The following NCAM2 variants were observed in gnomAD, a reference collection of about 807,000 sequenced individuals.
NCAM2 encodes the protein N-CAM-2.
In NCAM2, 30 loss-of-function variants were observed where a neutral mutation model predicts 98.1. The ratio of observed to expected loss-of-function variants is 0.31; its 90% CI spans 0.23 to 0.41. NCAM2 has a LOEUF of 0.41. Among genes scored for constraint, NCAM2 ranks in the 10% least tolerant of loss-of-function variants. The pLI, the probability that NCAM2 is intolerant of heterozygous loss-of-function variation, is 1.00. For missense variants in NCAM2, 867 were observed against 1,005.8 expected, an observed-to-expected ratio of 0.86 and a Z score of 1.87; for synonymous variants, 368 against 342.4, an observed-to-expected ratio of 1.07 and a Z score of -0.83.
chr21:21,477,203 T>G, intron 14 of NCAM2, 88 bp from the exon 15 acceptor site: 1 of 1,029,388 alleles, frequency 9.7e-7, no homozygotes, highest in African/African-American at 1.6e-5. Flanking sequence ...AATATAAGTA[T>G]ATTGTTCCAA....
chr21:21,371,483 G>A (rs1016173), intron 8 of NCAM2, among the ~76,000 whole-genome samples: 30,660 of 151,484 alleles, frequency 0.2, 3,371 homozygotes, highest in East Asian at 0.32. Context: ...TCTGCCTATG[G>A]TCCCTATTTA....
chr21:21,145,838 A>G (rs1035335814), intron 1 of NCAM2, among the ~76,000 whole-genome samples: 59 of 152,318 alleles, frequency 3.9e-4, no homozygotes, highest in African/African-American at 1.4e-3. Context: ...TAGGGAAGAT[A>G]GTAACTCAGG....
At chr21:21,165,161 A>G (rs2067910867) in intron 1 of NCAM2, among the ~76,000 whole-genome samples, 1 of 152,160 alleles carries the variant, frequency 6.6e-6, no homozygotes, top group African/African-American at 2.4e-5. Flanking sequence ...GAAATGGCAG[A>G]TGGGGCAAAT....
rs1464682188 is a variant in NCAM2, at chr21:21,541,887, G to T, written c.*3930G>T. Reference sequence around the variant, plus strand: ...TGCTTATTCAACAAACTTTGTATCTGGATATATTTTTAACAATAAGTTTGT... The same window carrying T: ...TGCTTATTCAACAAACTTTGTATCTTGATATATTTTTAACAATAAGTTTGT... On this transcript the variant is annotated 3_prime_UTR_variant, in exon 18 of 18. Coordinates refer to ENST00000400546, the MANE Select transcript of NCAM2 (RefSeq NM_004540.5). 6.6e-6 allele frequency: 1 copy of T among 151,462 alleles called. No homozygotes were observed. The highest frequency in any genetic ancestry group is 2.4e-5 in the African/African-American group (1 of 41,314). 9.4% of individuals were successfully genotyped at this position (151,462 alleles called of 1,614,324 possible). A position where few individuals can be genotyped will look rare whatever the true frequency, so the allele number is the denominator to read the frequency against.
chr21:21,050,350 C>G (rs1178047408), intron 1 of NCAM2, among the ~76,000 whole-genome samples: 1 of 152,112 alleles, frequency 6.6e-6, no homozygotes, highest in African/African-American at 2.4e-5. Flanking sequence ...GGATTATGTA[C>G]CATTCATATG....
At chr21:21,459,311 C>T (rs749194228) in intron 12 of NCAM2, among the ~76,000 whole-genome samples, 7 of 151,580 alleles carry the variant, frequency 4.6e-5, no homozygotes, top group Admixed American at 2.0e-4. Context: ...TATTCTCAAG[C>T]GAAATGTGTA....
chr21:21,290,532 A>G (rs1293094623), intron 4 of NCAM2, among the ~76,000 whole-genome samples: 1 of 151,858 alleles, frequency 6.6e-6, no homozygotes, highest in East Asian at 1.9e-4. Context: ...TACCAGGGGA[A>G]AGAATCTGAA....
chr21:21,406,977 T>G (rs2145897778), intron 9 of NCAM2, among the ~76,000 whole-genome samples: 1 of 152,328 alleles, frequency 6.6e-6, no homozygotes, highest in South Asian at 2.1e-4. Context: ...TATTCTTTTC[T>G]CCTTTTTCCC....
Position 21,116,803 on chromosome 21 carries a change from C to T in NCAM2, c.55+118185C>T, listed in dbSNP as rs1473851824. Among the ~76,000 whole-genome samples the T allele has an allele frequency of 2.6e-5, 4 of 151,494 alleles. No individual in the cohort carries two copies. The East Asian group carries it at 5.8e-4, about 22-fold the overall frequency. ...CCAGGAGGCGGAGCTTGCAGTGAGC[C>T]GAGATCGTGCCACTGCACTCCAGCC... On this transcript the variant is annotated intron_variant, in intron 1 of 17. Transcript: ENST00000400546.
chr21:21,161,711 A>G (rs978065266), intron 1 of NCAM2, among the ~76,000 whole-genome samples: 19 of 152,124 alleles, frequency 1.2e-4, no homozygotes, highest in African/African-American at 4.3e-4. Flanking sequence ...CCATATATGT[A>G]TATATATCTA....
chr21:21,210,092 A>T (rs541468893), intron 1 of NCAM2, among the ~76,000 whole-genome samples: 72 of 152,362 alleles, frequency 4.7e-4, no homozygotes, highest in Non-Finnish European at 8.1e-4. Flanking sequence ...CATGCCATGA[A>T]ATAATGGAAA....
intron 17 of NCAM2, among the ~76,000 whole-genome samples, chr21:21,536,670 G>T (rs139385934): frequency 6.6e-6 from 1 of 151,926 alleles, no homozygotes; most frequent in Non-Finnish European, 1.5e-5. Context: ...GATTAGAGGC[G>T]TGAGCCACTG....
intron 15 of NCAM2, among the ~76,000 whole-genome samples, chr21:21,484,138 A>G (rs233759): frequency 0.99 from 151,067 of 152,268 alleles, 74,940 homozygotes; most frequent in Middle Eastern, 1. Context: ...ATATTCACAT[A>G]TAAGGGATCA....
At chr21:21,142,257 G>A (rs1029853783) in intron 1 of NCAM2, among the ~76,000 whole-genome samples, 5 of 151,794 alleles carry the variant, frequency 3.3e-5, no homozygotes, top group Non-Finnish European at 7.4e-5. Context: ...TAAAAATACA[G>A]TCAAATTACT....
intron 8 of NCAM2, among the ~76,000 whole-genome samples, chr21:21,370,250 C>T (rs751512492): frequency 4.0e-5 from 6 of 151,642 alleles, no homozygotes; most frequent in Non-Finnish European, 7.4e-5. Context: ...TCATTTTTTC[C>T]TCTGATCCTT....
At chr21:21,282,846 A>G (rs2072976988) in intron 2 of NCAM2, among the ~76,000 whole-genome samples, 2 of 151,892 alleles carry the variant, frequency 1.3e-5, no homozygotes, top group Admixed American at 1.3e-4. Context: ...CTGAAAGAAA[A>G]CAATTATAAC....
chr21:21,427,965 C>T (rs3787604), intron 11 of NCAM2, among the ~76,000 whole-genome samples: 1 of 152,224 alleles, frequency 6.6e-6, no homozygotes, highest in Non-Finnish European at 1.5e-5. Context: ...CACTCGCCGT[C>T]GTACTATTCT....
At chr21:21,151,880 C>A (rs1026080152) in intron 1 of NCAM2, among the ~76,000 whole-genome samples, 4 of 151,920 alleles carry the variant, frequency 2.6e-5, no homozygotes, top group African/African-American at 7.2e-5. Context: ...TTTTCTCTAG[C>A]TGCTCTCAAG....
intron 8 of NCAM2, among the ~76,000 whole-genome samples, chr21:21,357,959 T>G (rs1449889493): frequency 6.6e-6 from 1 of 152,144 alleles, no homozygotes; most frequent in Non-Finnish European, 1.5e-5. Context: ...CTAGACACAT[T>G]GCTTACTTAC....
Sources: allele counts gnomAD v4.1 joint callset (sites outside exome capture counted in the v4.1 genomes callset), GRCh38; gene constraint gnomAD v4.1.1; transcripts MANE v1.5; gene names NCBI Gene and HGNC (gene_info 2026-07-23, HGNC 2026-07-21).